Variants in OSBPL10 observed in about 807,000 individuals in gnomAD.
OSBPL10 encodes the protein oxysterol binding protein like 10, also known as oxysterol-binding protein-related protein 10.
In OSBPL10, 49 loss-of-function variants were observed where a neutral mutation model predicts 81.7. That is an observed-to-expected ratio of 0.60 (90% confidence interval 0.48 to 0.76). The LOEUF (loss-of-function observed/expected upper bound fraction) is 0.76. OSBPL10 is among the 30% of genes least tolerant of loss of function. The pLI, the probability that OSBPL10 is intolerant of heterozygous loss-of-function variation, is 0.00. For missense variants in OSBPL10, 923 were observed against 987.8 expected (o/e 0.93, Z 0.88); for synonymous variants, 419 against 383.6 (o/e 1.09, Z -1.08).
chr3:31,934,976 A>C (rs916823191), intron 1 of OSBPL10, among the ~76,000 whole-genome samples: 1 of 152,196 alleles, frequency 6.6e-6, no homozygotes, highest in African/African-American at 2.4e-5. Context: ...GAAGCCATCA[A>C]GAACCCCTTC....
chr3:31,945,745 C>A (rs1697681954), intron 1 of OSBPL10, among the ~76,000 whole-genome samples: 1 of 152,170 alleles, frequency 6.6e-6, no homozygotes, highest in African/African-American at 2.4e-5. Context: ...GGGGTTTATA[C>A]TGCTTTTCTG....
At chr3:31,869,395 AC>A (rs1275164965) in intron 3 of OSBPL10, among the ~76,000 whole-genome samples, 4 of 152,078 alleles carry the variant, frequency 2.6e-5, no homozygotes, top group Admixed American at 6.5e-5. Context: ...GTTTACGGGA[AC>A]CCCCCACCCC....
chr3:31,740,792 A>C (rs1205896519), intron 5 of OSBPL10, among the ~76,000 whole-genome samples: 1 of 148,450 alleles, frequency 6.7e-6, no homozygotes, highest in East Asian at 1.9e-4. Context: ...AAAAAAGAAA[A>C]AAAGAAAGAA....
At chr3:31,945,323 A>C (rs533144541) in intron 1 of OSBPL10, among the ~76,000 whole-genome samples, 1 of 152,108 alleles carries the variant, frequency 6.6e-6, no homozygotes, top group Non-Finnish European at 1.5e-5. Context: ...AGTCAACACC[A>C]GTGACATGGG....
At chr3:31,705,800 A>C (rs1696045944) in intron 6 of OSBPL10, among the ~76,000 whole-genome samples, 1 of 152,100 alleles carries the variant, frequency 6.6e-6, no homozygotes, top group Non-Finnish European at 1.5e-5. Flanking sequence ...CACTTATAAA[A>C]CAGTAACAAC....
At chr3:31,674,218 G>A (rs1429693486) in intron 8 of OSBPL10, among the ~76,000 whole-genome samples, 4 of 151,970 alleles carry the variant, frequency 2.6e-5, no homozygotes, top group East Asian at 1.9e-4. Flanking sequence ...GTGAGTGCTC[G>A]CATTAGTAGT....
rs139735770 is a variant in OSBPL10, at chr3:32,055,191, C to CTTTTT, written n.186-8593_186-8589dup. On this transcript the variant is annotated intron_variant and non_coding_transcript_variant, in intron 1 of 3. Transcript: ENST00000479173. ...AAGAAAACTTTTGAACTATTTATAG[C>CTTTTT]TTTTTTTTTTTTTTTTTTTTTTTTT... Among the ~76,000 whole-genome samples, 20 of 58,298 alleles carry CTTTTT rather than the reference C, an allele frequency of 3.4e-4. 1 individual carries two copies. The highest frequency in any genetic ancestry group is 8.2e-4 in the African/African-American group (11 of 13,466). The allele number at this position is 58,298 out of a possible 152,430, so 38.2% of individuals were successfully genotyped here.
chr3:32,013,412 A>T (rs1355667301), intron 2 of OSBPL10, among the ~76,000 whole-genome samples: 3 of 152,230 alleles, frequency 2.0e-5, no homozygotes, highest in African/African-American at 7.2e-5. Context: ...CAAAGACACA[A>T]CATACCAGAA....
chr3:32,058,651 G>A (rs1699731104), intron 1 of OSBPL10, among the ~76,000 whole-genome samples: 1 of 152,042 alleles, frequency 6.6e-6, no homozygotes, highest in South Asian at 2.1e-4. Flanking sequence ...TGTTTTAAAT[G>A]ATGCATGCTT....
intron 7 of OSBPL10, among the ~76,000 whole-genome samples, chr3:31,687,915 A>G (rs1391667531): frequency 6.7e-6 from 1 of 148,690 alleles, no homozygotes; most frequent in Non-Finnish European, 1.5e-5. Flanking sequence ...TAATAATAAT[A>G]ATAATAATAA....
Position 31,981,225 on chromosome 3 carries a change from C to T in OSBPL10, c.-46G>A. ...GCGGGTGCCCGCCGCGGTGGCGGCC[C>T]CGGCACGGCGGCTGCTGCTGCTGCT... On this transcript the variant is annotated 5_prime_UTR_variant, in exon 1 of 12. Transcript: ENST00000396556. This position sits in a 1 kb window ranked among gnomAD's most constrained non-coding sequence, Gnocchi z 4.5. The T allele has an allele frequency of 7.4e-7, 1 of 1,346,040 alleles. No individual in the cohort carries two copies. The highest frequency in any genetic ancestry group is 1.9e-5 in the South Asian group (1 of 51,912). 83.4% of individuals were successfully genotyped at this position (1,346,040 alleles called of 1,614,324 possible). A position where few individuals can be genotyped will look rare whatever the true frequency, so the allele number is the denominator to read the frequency against.
chr3:31,683,624 C>T lies in OSBPL10; in HGVS notation c.1726+10G>A, dbSNP rs1252188734. ...GTAAGAGCCAAACTCCAACATACGA[C>T]ATGGCTTACCTTCCCCTATCATAGA... On this transcript the variant is annotated intron_variant, in intron 8 of 11. Transcript: ENST00000396556. 6.2e-7 allele frequency: 1 copy of T among 1,602,990 alleles called. No homozygotes were observed. The highest frequency in any genetic ancestry group is 8.5e-7 in the Non-Finnish European group (1 of 1,171,330).
intron 4 of OSBPL10, among the ~76,000 whole-genome samples, chr3:31,810,597 A>G (rs970274099): frequency 1.3e-5 from 2 of 152,190 alleles, no homozygotes; most frequent in Non-Finnish European, 2.9e-5. Context: ...ACTCCTGGAA[A>G]CCAATAAGGA....
intron 10 of OSBPL10, among the ~76,000 whole-genome samples, chr3:31,665,042 G>A (rs746057309): frequency 2.2e-4 from 34 of 152,028 alleles, no homozygotes; most frequent in South Asian, 4.1e-4. Flanking sequence ...GTTGGTTTAC[G>A]TCAATCAAGG....
chr3:31,724,782 G>T (rs1696756007), intron 6 of OSBPL10, among the ~76,000 whole-genome samples: 1 of 152,218 alleles, frequency 6.6e-6, no homozygotes, highest in Non-Finnish European at 1.5e-5. Flanking sequence ...GTTTAGGTTT[G>T]TGTGTGATGA....
chr3:32,005,173 T>G (rs1309570272), intron 2 of OSBPL10, among the ~76,000 whole-genome samples: 1 of 152,174 alleles, frequency 6.6e-6, no homozygotes, highest in Non-Finnish European at 1.5e-5. Context: ...ACGCGTCATC[T>G]AGGTTTTAAG....
intron 1 of OSBPL10, among the ~76,000 whole-genome samples, chr3:31,918,896 T>C (rs924190925): frequency 6.6e-6 from 1 of 152,186 alleles, no homozygotes; most frequent in Admixed American, 6.5e-5. Context: ...AAAACACATA[T>C]GCAGGCCACA....
intron 3 of OSBPL10, among the ~76,000 whole-genome samples, chr3:31,852,023 T>C (rs958540340): frequency 5.3e-5 from 8 of 152,112 alleles, no homozygotes; most frequent in Non-Finnish European, 8.8e-5. Flanking sequence ...TCTTATACAC[T>C]GAAACACCAT....
chr3:31,820,122 G>T (rs529553168), intron 4 of OSBPL10, among the ~76,000 whole-genome samples: 58 of 152,212 alleles, frequency 3.8e-4, no homozygotes, highest in African/African-American at 1.3e-3. Context: ...TTAATATAGG[G>T]AAAATAATAG....
Sources: gnomAD v4.1 joint callset for allele counts (sites outside exome capture counted in the v4.1 genomes callset) on GRCh38, gnomAD v4.1.1 for gene constraint, Gnocchi (gnomAD v3.1) non-coding constraint, MANE v1.5 for transcripts, NCBI Gene and HGNC (gene_info 2026-07-23, HGNC 2026-07-21) for gene names.